The following SPATA32 variants were observed in gnomAD, a reference collection of about 807,000 sequenced individuals.
SPATA32 encodes the protein spermatogenesis associated 32, also known as spermatogenesis-associated protein 32.
SPATA32 carries 28 observed loss-of-function variants against 35.4 expected under a neutral mutation model. The ratio of observed to expected loss-of-function variants is 0.79; its 90% confidence interval spans 0.59 to 1.09. The LOEUF (loss-of-function observed/expected upper bound fraction) is 1.09. SPATA32 is among the 50% of genes least tolerant of loss of function. The pLI is 0.00. For missense variants in SPATA32, 409 were observed against 475.9 expected (o/e 0.86, Z 1.31); for synonymous variants, 168 against 196.3 (o/e 0.86, Z 1.20).
chr17:45,257,751 C>G (rs1318420022), intron 1 of SPATA32, among the ~76,000 whole-genome samples: 2 of 152,206 alleles, frequency 1.3e-5, no homozygotes, highest in African/African-American at 4.8e-5. Context: ...TTCCTCTCCT[C>G]TCTCTGGGTC....
In SPATA32 at chr17:45,255,846, G is replaced by T. The variant is rs552471332; in HGVS notation, c.336C>A (p.Val112=). 1 of 1,614,168 alleles carries T rather than the reference G, an allele frequency of 6.2e-7. No homozygotes were observed. The highest frequency in any genetic ancestry group is 8.5e-7 in the Non-Finnish European group (1 of 1,180,030). Residue 112 remains valine, a synonymous_variant, in exon 4 of 5, where the codon GTC becomes GTA. Coordinates refer to ENST00000331780, the MANE Select transcript of SPATA32 (RefSeq NM_152343.3). The surrounding 1 kb of genome is among the most constrained non-coding windows in gnomAD (Gnocchi z 5.4). ...PMQLVCKIES[V]HSNMGLPTPQ... Reference sequence around the variant, plus strand: ...GCGTGGGCAGCCCCATGTTGGAGTGGACGGACTCTATCTTGCATACCAGCT... The same window carrying T: ...GCGTGGGCAGCCCCATGTTGGAGTGTACGGACTCTATCTTGCATACCAGCT...
In SPATA32 at chr17:45,255,685, G is replaced by A; in HGVS notation, c.497C>T (p.Ala166Val). ...HLFWANKLIQASEHSLQRAIN... is the reference protein window; with the variant it reads ...HLFWANKLIQVSEHSLQRAIN... Reference sequence around the variant, plus strand: ...GGCCCGCTGCAGGCTGTGCTCTGAGGCCTGGATGAGCTTGTTTGCCCAGAA... The same window carrying A: ...GGCCCGCTGCAGGCTGTGCTCTGAGACCTGGATGAGCTTGTTTGCCCAGAA... The change falls in exon 4 of 5, where the codon GCC becomes GTC. Residue 166 changes from alanine to valine, a missense_variant. Ala to Val is a moderately conservative substitution (Grantham distance 64). Transcript: ENST00000331780. This position sits in a 1 kb window ranked among gnomAD's most constrained non-coding sequence, Gnocchi z 5.4. 6.2e-7 allele frequency: 1 copy of A among 1,614,042 alleles called. No individual in the cohort carries two copies. The highest frequency in any genetic ancestry group is 8.5e-7 in the Non-Finnish European group (1 of 1,180,032).
chr17:45,261,753 C>T (rs1407504284), intron 1 of SPATA32: 2 of 401,334 alleles, frequency 5.0e-6, no homozygotes, highest in African/African-American at 2.1e-5. Flanking sequence ...GTCCCTACTC[C>T]AAGGCGCGCA....
At chr17:45,258,509 G>A (rs62066728) in intron 1 of SPATA32, among the ~76,000 whole-genome samples, 3,964 of 152,310 alleles carry the variant, frequency 0.026, 91 homozygotes, top group Non-Finnish European at 0.037. Flanking sequence ...TTACTGTTGT[G>A]TGAGCCTCTT....
chr17:45,255,662 C>T lies in SPATA32; in HGVS notation c.520G>A (p.Ala174Thr), dbSNP rs752970770. ...IQASEHSLQR[A>T]INMQLNNGSA... Reference sequence around the variant, plus strand: ...CCATTGTTGAGCTGCATGTTGATGGCCCGCTGCAGGCTGTGCTCTGAGGCC... The same window carrying T: ...CCATTGTTGAGCTGCATGTTGATGGTCCGCTGCAGGCTGTGCTCTGAGGCC... Residue 174 changes from alanine (A) to threonine (T), a missense_variant, in exon 4 of 5, where the codon GCC (alanine) becomes ACC (threonine). Coordinates refer to ENST00000331780, the MANE Select transcript of SPATA32 (RefSeq NM_152343.3). This position sits in a 1 kb window ranked among gnomAD's most constrained non-coding sequence, Gnocchi z 5.4. 5.0e-6 allele frequency: 8 copies of T among 1,614,018 alleles called. No homozygotes were observed. The Admixed American group carries it at 5.0e-5, about 10-fold the overall frequency.
chr17:45,255,157 T>C lies in SPATA32; in HGVS notation c.1025A>G (p.Gln342Arg). 1 of 1,614,218 alleles carries C rather than the reference T, an allele frequency of 6.2e-7. No individual in the cohort carries two copies. Among genetic ancestry groups the C allele is most frequent in the Non-Finnish European group, 8.5e-7 (1 of 1,180,040 alleles). Residue 342 changes from glutamine to arginine, a missense_variant, in exon 4 of 5, where the codon CAG becomes CGG. Physicochemically the swap from Gln to Arg is conservative, Grantham distance 43 (BLOSUM62 1). Coordinates refer to ENST00000331780, the MANE Select transcript of SPATA32 (RefSeq NM_152343.3). The surrounding 1 kb of genome is among the most constrained non-coding windows in gnomAD (Gnocchi z 5.4). Reference sequence around the variant, plus strand: ...CAGCAGAGGGGACGTGGCTGGTGGCTGGAGAAGCTGGATTTGCCCTTTGAT... The same window carrying C: ...CAGCAGAGGGGACGTGGCTGGTGGCCGGAGAAGCTGGATTTGCCCTTTGAT... ...ATIKGQIQLL[Q>R]PPATSPLLQG...
intron 1 of SPATA32, 99 bp downstream of exon 1, chr17:45,261,904 TG>T: frequency 8.2e-7 from 1 of 1,219,264 alleles, no homozygotes. Context: ...GAACGGGCCC[TG>T]GGCGGATTCC....
chr17:45,256,484 G>A lies in SPATA32; in HGVS notation c.69-69C>T. Reference sequence around the variant, plus strand: ...CTTCAGCGGGAAGGGGGTTTCTGGGGCCCTCAAAGCCCTCTGCCTTGTAAC... The same window carrying A: ...CTTCAGCGGGAAGGGGGTTTCTGGGACCCTCAAAGCCCTCTGCCTTGTAAC... On this transcript the variant is annotated intron_variant, in intron 2 of 4. Transcript: ENST00000331780. This position sits in a 1 kb window ranked among gnomAD's most constrained non-coding sequence, Gnocchi z 4.7. 2.2e-6 allele frequency: 3 copies of A among 1,341,510 alleles called. No homozygotes were observed. The highest frequency in any genetic ancestry group is 2.3e-5 in the East Asian group (1 of 43,782). 83.1% of individuals were successfully genotyped at this position (1,341,510 alleles called of 1,614,324 possible).
At position 45,255,837 on chromosome 17, in the gene SPATA32, G is replaced by A. The variant is rs1374739972; in HGVS notation, c.345C>T (p.Asn115=). The change falls in exon 4 of 5, where the codon AAC becomes AAT. Residue 115 remains asparagine, a synonymous_variant. Coordinates refer to ENST00000331780, the MANE Select transcript of SPATA32 (RefSeq NM_152343.3). The surrounding 1 kb of genome is among the most constrained non-coding windows in gnomAD (Gnocchi z 5.4). ...AGGTCTGTGGCGTGGGCAGCCCCAT[G>A]TTGGAGTGGACGGACTCTATCTTGC... The part of the protein sequence containing the change: ...LVCKIESVHS[N]MGLPTPQTFR... The A allele has an allele frequency of 2.2e-5, 36 of 1,614,054 alleles. No homozygotes were observed. Among genetic ancestry groups the A allele is most frequent in the Non-Finnish European group, 2.9e-5 (34 of 1,180,032 alleles).
chr17:45,258,015 T>C (rs2043973719), intron 1 of SPATA32, among the ~76,000 whole-genome samples: 1 of 152,142 alleles, frequency 6.6e-6, no homozygotes, highest in East Asian at 1.9e-4. Flanking sequence ...TAGGGGTTGA[T>C]GGTGGGGCCA....
In SPATA32 at chr17:45,256,773, C is replaced by G. The variant is rs12945019; in HGVS notation, c.69-358G>C. On this transcript the variant is annotated intron_variant, in intron 2 of 4. Transcript: ENST00000331780. The surrounding 1 kb of genome is among the most constrained non-coding windows in gnomAD (Gnocchi z 4.7). Reference sequence around the variant, plus strand: ...AGGATTAGTGCCCAGAACACTAGTCCCCAGCAGGGGAGCCCCAGAGCAATG... The same window carrying G: ...AGGATTAGTGCCCAGAACACTAGTCGCCAGCAGGGGAGCCCCAGAGCAATG... 5.4e-3 allele frequency among the ~76,000 whole-genome samples: 824 copies of G among 152,232 alleles called. 2 individuals carry two copies. The highest frequency in any genetic ancestry group is 7.0e-3 in the Non-Finnish European group (477 of 68,024).
Position 45,254,397 on chromosome 17 carries a change from G to T in SPATA32, c.*29C>A. ...GCACAAAAGTCTAAGCCGACGGCCA[G>T]CACTGGAGGCTTTATTGGTTCTGTC... On this transcript the variant is annotated 3_prime_UTR_variant, in exon 5 of 5. Transcript: ENST00000331780. 1.2e-6 allele frequency: 2 copies of T among 1,602,842 alleles called. No homozygotes were observed. Among genetic ancestry groups the T allele is most frequent in the Non-Finnish European group, 1.7e-6 (2 of 1,169,696 alleles).
intron 1 of SPATA32, among the ~76,000 whole-genome samples, chr17:45,257,581 C>CTGAA (rs1249803220): frequency 6.6e-6 from 1 of 152,188 alleles, no homozygotes; most frequent in Non-Finnish European, 1.5e-5. Context: ...GGTCCCCCAG[C>CTGAA]TGAACATAGC....
intron 1 of SPATA32, among the ~76,000 whole-genome samples, chr17:45,258,005 T>C (rs1247708262): frequency 6.6e-6 from 1 of 152,150 alleles, no homozygotes; most frequent in South Asian, 2.1e-4. Context: ...GGGCCATGCA[T>C]AGGGGTTGAT....
Position 45,261,984 on chromosome 17 carries a change from G to C in SPATA32, c.13+20C>G, listed in dbSNP as rs2044014911. On this transcript the variant is annotated intron_variant, in intron 1 of 4. Transcript: ENST00000331780. ...CCCGCCTGCCCCAACCCTCGCCCCC[G>C]GGCGCTCGGCCGCTCCCACCTGTCA... The C allele has an allele frequency of 7.6e-7, 1 of 1,311,054 alleles. No individual in the cohort carries two copies. Among genetic ancestry groups the C allele is most frequent in the Non-Finnish European group, 9.8e-7 (1 of 1,021,590 alleles). The allele number at this position is 1,311,054 out of a possible 1,614,324, so 81.2% of individuals were successfully genotyped here.
chr17:45,258,789 G>A (rs577826483), intron 1 of SPATA32, among the ~76,000 whole-genome samples: 12 of 152,084 alleles, frequency 7.9e-5, no homozygotes, highest in Middle Eastern at 3.4e-3. Context: ...CATGCGCCAC[G>A]ACGCCCAGCT....
intron 1 of SPATA32, chr17:45,259,863 A>C (rs2043989506): frequency 6.6e-6 from 1 of 152,100 alleles, no homozygotes; most frequent in Non-Finnish European, 1.5e-5. Flanking sequence ...CGTTACTGGG[A>C]TAAACCTCAT....
At position 45,255,106 on chromosome 17, in the gene SPATA32, C is replaced by T. The variant is rs373602013; in HGVS notation, c.1067+9G>A. 4.3e-6 allele frequency: 7 copies of T among 1,613,620 alleles called. No individual in the cohort carries two copies. Among genetic ancestry groups the T allele is most frequent in the Middle Eastern group, 1.7e-4 (1 of 5,984 alleles). ...CCTCTATGGGAGCTGCGGGGCTGGC[C>T]TCACTCACTCTTCCTTGCTTCCCTG... On this transcript the variant is annotated intron_variant, in intron 4 of 4. Coordinates refer to ENST00000331780, the MANE Select transcript of SPATA32 (RefSeq NM_152343.3). This position sits in a 1 kb window ranked among gnomAD's most constrained non-coding sequence, Gnocchi z 5.4.
chr17:45,256,482 G>A lies in SPATA32; in HGVS notation c.69-67C>T. The A allele has an allele frequency of 6.9e-7, 1 of 1,443,940 alleles. No individual in the cohort carries two copies. The highest frequency in any genetic ancestry group is 9.8e-7 in the Non-Finnish European group (1 of 1,025,154). The allele number at this position is 1,443,940 out of a possible 1,614,324, so 89.4% of individuals were successfully genotyped here. ...GGCTTCAGCGGGAAGGGGGTTTCTG[G>A]GGCCCTCAAAGCCCTCTGCCTTGTA... On this transcript the variant is annotated intron_variant, in intron 2 of 4. Transcript: ENST00000331780. The surrounding 1 kb of genome is among the most constrained non-coding windows in gnomAD (Gnocchi z 4.7).
Sources: gnomAD v4.1 joint callset for allele counts (sites outside exome capture counted in the v4.1 genomes callset) on GRCh38, gnomAD v4.1.1 for gene constraint, Gnocchi (gnomAD v3.1) non-coding constraint, MANE v1.5 for transcripts, NCBI Gene and HGNC (gene_info 2026-07-23, HGNC 2026-07-21) for gene names.